Variants in GJB6 observed in about 807,000 individuals in gnomAD.
GJB6 encodes the protein gap junction protein beta 6.
A neutral mutation model predicts 5.4 loss-of-function variants in GJB6; 5 were observed. The ratio of observed to expected loss-of-function variants is 0.92; its 90% CI spans 0.48 to 1.93. The LOEUF (loss-of-function observed/expected upper bound fraction) is 1.93, where lower values mean the gene tolerates loss of function less well. Among genes scored for constraint, GJB6 ranks in the 30% most tolerant of loss-of-function variants. The probability of loss-of-function intolerance (pLI) is 0.01; values close to 1 mark genes in which losing one functional copy is unlikely to be tolerated. For synonymous variants in GJB6, 136 were observed against 129.6 expected (o/e 1.05, Z -0.34); for missense variants, 298 against 326.9 (o/e 0.91, Z 0.68).
chr13:20,230,587 C>T (rs1200180656), intron 3 of GJB6, 111 bp downstream of exon 3: 1 of 152,160 alleles, frequency 6.6e-6, no homozygotes, highest in Non-Finnish European at 1.5e-5. Context: ...TGGCAGGTGG[C>T]CATTAGAAGG....
chr13:20,223,292 C>T lies in GJB6; in HGVS notation c.189G>A (p.Val63=), dbSNP rs2137333821. The T allele has an allele frequency of 1.2e-6, 2 of 1,614,006 alleles. No individual in the cohort carries two copies. Among genetic ancestry groups the T allele is most frequent in the East Asian group, 4.5e-5 (2 of 44,866 alleles). Reference sequence around the variant, plus strand: ...ACACCGGGAAAAAGTGGTCATAGCACACATTTTTGCATCCCGGTTGCAGTG... The same window carrying T: ...ACACCGGGAAAAAGTGGTCATAGCATACATTTTTGCATCCCGGTTGCAGTG... The part of the protein sequence containing the change: ...CNTLQPGCKN[V]CYDHFFPVSH... Residue 63 remains valine (V), a synonymous_variant, in exon 5 of 5, where the codon GTG becomes GTA. Transcript: ENST00000647029.
rs1276917934 is a variant in GJB6, at chr13:20,232,299, C to T, written c.-525G>A. 6.6e-6 allele frequency: 1 copy of T among 151,900 alleles called. No individual in the cohort carries two copies. Among genetic ancestry groups the T allele is most frequent in the African/African-American group, 2.4e-5 (1 of 41,372 alleles). The allele number at this position is 151,900 out of a possible 1,614,324, so 9.4% of individuals were successfully genotyped here. A position where few individuals can be genotyped will look rare whatever the true frequency, so the allele number is the denominator to read the frequency against. ...CGGGCGCCGCCGGCTGTCGGGCTCT[C>T]GTCGGGTTTCGGGTGAAGGCCCCGG... On this transcript the variant is annotated 5_prime_UTR_variant, in exon 1 of 5. Coordinates refer to ENST00000647029, the MANE Select transcript of GJB6 (RefSeq NM_001110219.3).
chr13:20,228,120 A>C (rs1344740411), intron 4 of GJB6, among the ~76,000 whole-genome samples: 2 of 152,252 alleles, frequency 1.3e-5, no homozygotes, highest in Non-Finnish European at 2.9e-5. Context: ...TGAAGTCGTC[A>C]CTAATTTCAA....
At chr13:20,231,889 G>A (rs767090190) in intron 1 of GJB6, among the ~76,000 whole-genome samples, 1 of 152,234 alleles carries the variant, frequency 6.6e-6, no homozygotes, top group Non-Finnish European at 1.5e-5. Context: ...GTTCCTCTGC[G>A]TACAGAGAGA....
At chr13:20,224,403 T>C (rs1869437752) in intron 4 of GJB6, among the ~76,000 whole-genome samples, 1 of 152,198 alleles carries the variant, frequency 6.6e-6, no homozygotes, top group Non-Finnish European at 1.5e-5. Flanking sequence ...TGAGAAAGCC[T>C]CTTCTAAAAG....
In GJB6 at chr13:20,222,727, CACTA is replaced by C. The variant is rs749587391; in HGVS notation, c.750_753del (p.Asp250GlufsTer42). On this transcript the variant is annotated frameshift_variant, in exon 5 of 5. Transcript: ENST00000647029. LOFTEE classifies it high-confidence loss of function. ...GGGAAACCTGTGATTGCATTTTGAC[CACTA>C]TCTGAAATCAGCTCATTCATTTCAT... 2 of 1,614,116 alleles carry C rather than the reference CACTA, an allele frequency of 1.2e-6. No individual in the cohort carries two copies. The highest frequency in any genetic ancestry group is 8.5e-7 in the Non-Finnish European group (1 of 1,179,986).
rs921827020 is a variant in GJB6, at chr13:20,222,877, A to C, written c.604T>G (p.Cys202Gly). ...AACTCTGCCACGTTAAGCAGCATGC[A>C]AATCACAGACGCAGAAATCATAAAA... The part of the protein sequence containing the change: ...TIFMISASVI[C>G]MLLNVAELCY... The change falls in exon 5 of 5, where the codon TGC (cysteine) becomes GGC (glycine). Residue 202 changes from cysteine to glycine, a missense_variant. Physicochemically the swap from Cys to Gly is radical, Grantham distance 159. Transcript: ENST00000647029. 1 of 1,614,194 alleles carries C rather than the reference A, an allele frequency of 6.2e-7. No individual in the cohort carries two copies. The highest frequency in any genetic ancestry group is 1.1e-5 in the South Asian group (1 of 91,088).
At chr13:20,231,914 C>T (rs1870108779) in intron 1 of GJB6, among the ~76,000 whole-genome samples, 2 of 152,224 alleles carry the variant, frequency 1.3e-5, no homozygotes, top group Non-Finnish European at 2.9e-5. Flanking sequence ...CCAGCGCGGG[C>T]GGCGCCCACT....
Position 20,222,879 on chromosome 13 carries a change from A to G in GJB6, c.602T>C (p.Ile201Thr), listed in dbSNP as rs1162472989. The change falls in exon 5 of 5, where the codon ATT (isoleucine) becomes ACT (threonine). Residue 201 changes from isoleucine to threonine, a missense_variant. Physicochemically the swap from Ile to Thr is moderately conservative, Grantham distance 89 (BLOSUM62 -1). Transcript: ENST00000647029. ...CTCTGCCACGTTAAGCAGCATGCAA[A>G]TCACAGACGCAGAAATCATAAAAAT... Reference protein sequence around the residue: ...FTIFMISASVICMLLNVAELC... With the variant: ...FTIFMISASVTCMLLNVAELC... 4.3e-6 allele frequency: 7 copies of G among 1,614,156 alleles called. No homozygotes were observed. The highest frequency in any genetic ancestry group is 4.5e-5 in the East Asian group (2 of 44,892).
chr13:20,231,603 C>G (rs1183512084), intron 1 of GJB6, 98 bp from the exon 2 acceptor site: 1 of 152,270 alleles, frequency 6.6e-6, no homozygotes. Flanking sequence ...AGCCCATACC[C>G]TGCGGTTCTC....
In GJB6 at chr13:20,229,151, T is replaced by A. The variant is rs9552119; in HGVS notation, c.-16+429A>T. On this transcript the variant is annotated intron_variant, in intron 4 of 4. Coordinates refer to ENST00000647029, the MANE Select transcript of GJB6 (RefSeq NM_001110219.3). Reference sequence around the variant, plus strand: ...AAAAAAAAAAAAAAAAAAAAAAAAATTTTTTTTTTTTTTTTTAGACAGAGT... The same window carrying A: ...AAAAAAAAAAAAAAAAAAAAAAAAAATTTTTTTTTTTTTTTTAGACAGAGT... Among the ~76,000 whole-genome samples, 307 of 39,344 alleles carry A rather than the reference T, an allele frequency of 7.8e-3. 1 individual carries two copies. Among genetic ancestry groups the A allele is most frequent in the South Asian group, 0.019 (12 of 644 alleles). 25.8% of individuals were successfully genotyped at this position (39,344 alleles called of 152,430 possible).
chr13:20,222,893 A>C lies in GJB6; in HGVS notation c.588T>G (p.Ile196Met), dbSNP rs1370074603. ...GCAGCATGCAAATCACAGACGCAGA[A>C]ATCATAAAAATGGTAAACACGGTCT... ...TEKTVFTIFMISASVICMLLN... is the reference protein window; with the variant it reads ...TEKTVFTIFMMSASVICMLLN... Residue 196 changes from isoleucine to methionine, a missense_variant, in exon 5 of 5, where the codon ATT (isoleucine) becomes ATG (methionine). Ile to Met is a conservative substitution (Grantham distance 10). Coordinates refer to ENST00000647029, the MANE Select transcript of GJB6 (RefSeq NM_001110219.3). 8 of 1,614,188 alleles carry C rather than the reference A, an allele frequency of 5.0e-6. No homozygotes were observed. Among genetic ancestry groups the C allele is most frequent in the Non-Finnish European group, 6.8e-6 (8 of 1,180,036 alleles).
chr13:20,228,371 G>A (rs1166509242), intron 4 of GJB6, among the ~76,000 whole-genome samples: 2 of 152,184 alleles, frequency 1.3e-5, no homozygotes, highest in East Asian at 3.8e-4. Flanking sequence ...TTCTAAGAAT[G>A]TGATTACATT....
rs1488178631 is a variant in GJB6, at chr13:20,222,621, C to A, written c.*74G>T. Reference sequence around the variant, plus strand: ...CAAACTCTTCAGGCTACAGAAGGAACTTTCAGGTTGGTATTGCCTTCTGGA... The same window carrying A: ...CAAACTCTTCAGGCTACAGAAGGAAATTTCAGGTTGGTATTGCCTTCTGGA... On this transcript the variant is annotated 3_prime_UTR_variant, in exon 5 of 5. Transcript: ENST00000647029. The A allele has an allele frequency of 9.4e-6, 12 of 1,277,700 alleles. No homozygotes were observed. The highest frequency in any genetic ancestry group is 1.7e-5 in the Admixed American group (1 of 59,268). 79.1% of individuals were successfully genotyped at this position (1,277,700 alleles called of 1,614,324 possible). A position where few individuals can be genotyped will look rare whatever the true frequency, so the allele number is the denominator to read the frequency against.
chr13:20,231,831 A>C (rs1451548386), intron 1 of GJB6, among the ~76,000 whole-genome samples: 6 of 152,214 alleles, frequency 3.9e-5, no homozygotes, highest in African/African-American at 1.4e-4. Context: ...CCTGTTGTAC[A>C]AGTCAAAGGG....
intron 4 of GJB6, among the ~76,000 whole-genome samples, chr13:20,224,432 A>G (rs1306944222): frequency 6.6e-6 from 1 of 152,214 alleles, no homozygotes; most frequent in East Asian, 1.9e-4. Flanking sequence ...AATCTTTTAT[A>G]AAGATTGCTC....
chr13:20,228,298 T>C (rs905850010), intron 4 of GJB6, among the ~76,000 whole-genome samples: 50 of 152,330 alleles, frequency 3.3e-4, no homozygotes, highest in African/African-American at 9.1e-4. Context: ...TCATTTTAAC[T>C]GATGCCTCTC....
At chr13:20,225,930 T>A (rs114704027) in intron 4 of GJB6, among the ~76,000 whole-genome samples, 3,012 of 152,232 alleles carry the variant, frequency 0.02, 75 homozygotes, top group African/African-American at 0.066. Context: ...AGGAGGAACA[T>A]CCTTATCAGC....
chr13:20,224,909 GC>G (rs938238302), intron 4 of GJB6, among the ~76,000 whole-genome samples: 14 of 152,210 alleles, frequency 9.2e-5, no homozygotes, highest in African/African-American at 3.1e-4. Context: ...TCTCAGGCCA[GC>G]CCCCTGGACC....
Sources: allele counts gnomAD v4.1 joint callset (sites outside exome capture counted in the v4.1 genomes callset), GRCh38; gene constraint gnomAD v4.1.1; transcripts MANE v1.5; gene names NCBI Gene and HGNC (gene_info 2026-07-23, HGNC 2026-07-21).